Variants in HRH1 observed in about 807,000 individuals in gnomAD.
The protein encoded by HRH1 is histamine H1 receptor.
Under a neutral mutation model 10.3 loss-of-function variants are expected in HRH1, and 6 were observed. The ratio of observed to expected loss-of-function variants is 0.58; its 90% confidence interval spans 0.32 to 1.15. HRH1 has a LOEUF of 1.15. HRH1 is among the 50% of genes most tolerant of loss of function. HRH1 has a pLI of 0.05. For synonymous variants in HRH1, 242 were observed against 236.7 expected (o/e 1.02, Z -0.21); for missense variants, 514 against 615.3 (o/e 0.84, Z 1.74).
At chr3:11,202,130 G>A (rs1353890309) in intron 1 of HRH1, among the ~76,000 whole-genome samples, 3 of 152,142 alleles carry the variant, frequency 2.0e-5, no homozygotes, top group Non-Finnish European at 4.4e-5. Context: ...GAGGCTGGCC[G>A]CTGTAGCTCA....
At chr3:11,228,830 C>T (rs927482000) in intron 1 of HRH1, among the ~76,000 whole-genome samples, 6 of 151,354 alleles carry the variant, frequency 4.0e-5, no homozygotes, top group East Asian at 1.9e-4. Flanking sequence ...AGGAGAATCG[C>T]TTGAACCCAG....
At chr3:11,252,729 G>A (rs1315925345) in intron 1 of HRH1, 1 of 152,210 alleles carries the variant, frequency 6.6e-6, no homozygotes, top group Admixed American at 6.5e-5. Flanking sequence ...AGACATACAG[G>A]ATTTAAGAAG....
chr3:11,250,208 A>ATTTT lies in HRH1; in HGVS notation c.-35-8774_-35-8771dup, dbSNP rs71055857. Among the ~76,000 whole-genome samples, 335 of 106,864 alleles carry ATTTT rather than the reference A, an allele frequency of 3.1e-3. 5 individuals are homozygous for ATTTT. Among genetic ancestry groups the ATTTT allele is most frequent in the African/African-American group, 0.012 (315 of 26,792 alleles). 70.1% of individuals were successfully genotyped at this position (106,864 alleles called of 152,430 possible). ...TAGGCGCCGCCACCACACCCGGCTA[A>ATTTT]TTTTTTTTTTTTTTTTTTTTTTTTG... On this transcript the variant is annotated intron_variant, in intron 1 of 1. Coordinates refer to ENST00000431010, the MANE Select transcript of HRH1 (RefSeq NM_001098212.2).
At chr3:11,245,985 A>C (rs1337269344) in intron 1 of HRH1, among the ~76,000 whole-genome samples, 2 of 137,500 alleles carry the variant, frequency 1.5e-5, no homozygotes, top group African/African-American at 2.8e-5. Flanking sequence ...ATGTACTCAA[A>C]AACCACACAC....
At chr3:11,160,893 A>G (rs1261959508) in intron 1 of HRH1, among the ~76,000 whole-genome samples, 1 of 152,244 alleles carries the variant, frequency 6.6e-6, no homozygotes, top group Admixed American at 6.5e-5. Flanking sequence ...AAAGGTTTTG[A>G]TAAAGAGCCT....
chr3:11,153,639 A>T (rs1451400857), upstream of HRH1, among the ~76,000 whole-genome samples: 1 of 152,138 alleles, frequency 6.6e-6, no homozygotes, highest in African/African-American at 2.4e-5. Flanking sequence ...CCCGGCGCTG[A>T]GAAGGCAGAA....
At chr3:11,161,538 C>T (rs1197167555) in intron 1 of HRH1, among the ~76,000 whole-genome samples, 2 of 152,158 alleles carry the variant, frequency 1.3e-5, no homozygotes, top group African/African-American at 4.8e-5. Flanking sequence ...GGTTTTCTTT[C>T]CTCTGTCCTT....
chr3:11,153,184 A>G (rs914474775), upstream of HRH1, among the ~76,000 whole-genome samples: 2 of 152,142 alleles, frequency 1.3e-5, no homozygotes, highest in African/African-American at 4.8e-5. Context: ...CAAGTTACTC[A>G]ATCTCTCTGT....
chr3:11,173,077 C>T (rs1304669146), intron 1 of HRH1, among the ~76,000 whole-genome samples: 1 of 152,120 alleles, frequency 6.6e-6, no homozygotes, highest in Middle Eastern at 3.2e-3. Context: ...GAAGAGGTTC[C>T]CTGGCTGAAT....
chr3:11,211,984 C>G (rs551633178), intron 1 of HRH1, among the ~76,000 whole-genome samples: 1 of 152,070 alleles, frequency 6.6e-6, no homozygotes, highest in South Asian at 2.1e-4. Flanking sequence ...TTTTAACGTA[C>G]GCACTCCCAA....
intron 1 of HRH1, among the ~76,000 whole-genome samples, chr3:11,167,734 G>C (rs534438277): frequency 6.6e-6 from 1 of 152,254 alleles, no homozygotes; most frequent in African/African-American, 2.4e-5. Flanking sequence ...GCTGTAGGCT[G>C]CCCTGTAAAT....
At chr3:11,210,427 C>T (rs911878508) in intron 1 of HRH1, among the ~76,000 whole-genome samples, 1 of 151,942 alleles carries the variant, frequency 6.6e-6, no homozygotes, top group African/African-American at 2.4e-5. Context: ...GTTAATAATC[C>T]CGACCTTGCA....
At chr3:11,217,872 C>G (rs573855364) in intron 1 of HRH1, among the ~76,000 whole-genome samples, 25 of 152,166 alleles carry the variant, frequency 1.6e-4, no homozygotes, top group Admixed American at 6.5e-4. Context: ...GCAGTCTGAC[C>G]AAAGGGATCA....
chr3:11,144,878 AT>A (rs1936397832), intron 1 of HRH1, among the ~76,000 whole-genome samples: 1 of 152,126 alleles, frequency 6.6e-6, no homozygotes, highest in Admixed American at 6.6e-5. Flanking sequence ...CTCAAAAAAT[AT>A]ATAATAAATA....
upstream of HRH1, among the ~76,000 whole-genome samples, chr3:11,153,606 T>A (rs993894564): frequency 1.3e-5 from 2 of 151,256 alleles, no homozygotes; most frequent in African/African-American, 4.9e-5. Context: ...ACCATAACTG[T>A]TCAAAGGTTC....
intron 1 of HRH1, among the ~76,000 whole-genome samples, chr3:11,164,513 G>GTGTTTTGTTT (rs55637138): frequency 0.15 from 23,025 of 151,436 alleles, 1,972 homozygotes; most frequent in East Asian, 0.28. Flanking sequence ...GAAATTGATG[G>GTGTTTTGTTT]TGTTTTGTTT....
intron 1 of HRH1, among the ~76,000 whole-genome samples, chr3:11,139,814 G>T (rs148165150): frequency 2.0e-5 from 3 of 152,192 alleles, no homozygotes; most frequent in East Asian, 3.9e-4. Flanking sequence ...ATTCATGGTC[G>T]CCAAGAGATG....
At chr3:11,241,934 C>G (rs1006686080) in intron 1 of HRH1, among the ~76,000 whole-genome samples, 1 of 151,990 alleles carries the variant, frequency 6.6e-6, no homozygotes, top group African/African-American at 2.4e-5. Flanking sequence ...GCAAAATGTA[C>G]CAGTGGGCGC....
chr3:11,212,992 T>C (rs1274075269), intron 1 of HRH1, among the ~76,000 whole-genome samples: 1 of 152,204 alleles, frequency 6.6e-6, no homozygotes, highest in Non-Finnish European at 1.5e-5. Context: ...TGCAGATCTC[T>C]GCATGACTCA....
Sources: allele counts gnomAD v4.1 joint callset (sites outside exome capture counted in the v4.1 genomes callset), GRCh38; gene constraint gnomAD v4.1.1; transcripts MANE v1.5; gene names NCBI Gene and HGNC (gene_info 2026-07-23, HGNC 2026-07-21).